The following PARN variants were observed in gnomAD, a reference collection of about 807,000 sequenced individuals.
PARN encodes poly(A)-specific ribonuclease PARN.
Under a neutral mutation model 102.8 loss-of-function variants are expected in PARN, and 71 were observed. The ratio of observed to expected loss-of-function variants is 0.69; its 90% confidence interval spans 0.57 to 0.84. PARN has a LOEUF of 0.84. Ranked by LOEUF, PARN falls within the 40% of genes least tolerant of loss-of-function variation. The pLI, the probability that PARN is intolerant of heterozygous loss-of-function variation, is 0.00. For synonymous variants in PARN, 261 were observed against 252.9 expected, an observed-to-expected ratio of 1.03 and a Z score of -0.30; for missense variants, 782 against 760.9, an observed-to-expected ratio of 1.03 and a Z score of -0.33.
chr16:14,451,845 A>C, intron 22 of PARN, among the ~76,000 whole-genome samples: 1 of 58,512 alleles, frequency 1.7e-5, no homozygotes, highest in African/African-American at 6.8e-5. Flanking sequence ...CCCGTCTCTA[A>C]AAAAAAAAAA....
At chr16:14,623,140 T>A (rs897741905) in intron 5 of PARN, among the ~76,000 whole-genome samples, 1 of 150,838 alleles carries the variant, frequency 6.6e-6, no homozygotes, top group South Asian at 2.1e-4. Flanking sequence ...TGTCTAGGCA[T>A]ATGTCTATAT....
chr16:14,614,550 C>A (rs549429685), intron 6 of PARN, among the ~76,000 whole-genome samples: 1 of 152,120 alleles, frequency 6.6e-6, no homozygotes, highest in East Asian at 1.9e-4. Flanking sequence ...TGGTGGCTCC[C>A]GTACAAAAGA....
chr16:14,485,015 T>C (rs1963588770), intron 21 of PARN, among the ~76,000 whole-genome samples: 1 of 152,198 alleles, frequency 6.6e-6, no homozygotes, highest in Non-Finnish European at 1.5e-5. Flanking sequence ...GCCTATGTAG[T>C]TGAAGACCAA....
rs886187580 is a variant in PARN, at chr16:14,630,239, G to T, written c.-114C>A. On this transcript the variant is annotated 5_prime_UTR_variant, in exon 1 of 24. Coordinates refer to ENST00000437198, the MANE Select transcript of PARN (RefSeq NM_002582.4). The stretch of plus-strand genomic sequence containing the variant: ...TAGCTGAGGCAGCCGCAGCGGTGAC[G>T]CCGGCCGCGACTTCCGGAAACAGCG... 2.4e-5 allele frequency: 22 copies of T among 931,828 alleles called. No homozygotes were observed. The Middle Eastern group carries it at 9.2e-4, about 39-fold the overall frequency. 57.7% of individuals were successfully genotyped at this position (931,828 alleles called of 1,614,324 possible).
At chr16:14,439,395 GAGGGAGGGAGGGAAGGAAAGAAGAC>G (rs1960850002) in intron 23 of PARN, among the ~76,000 whole-genome samples, 1 of 142,102 alleles carries the variant, frequency 7.0e-6, no homozygotes, top group African/African-American at 2.6e-5. Context: ...AAAAAAAATA[GAGGGAGGGAGGGAAGGAAAGAAGAC>G]AGGGAGGGAG....
At chr16:14,517,977 A>G (rs139473848) in intron 21 of PARN, among the ~76,000 whole-genome samples, 1 of 152,162 alleles carries the variant, frequency 6.6e-6, no homozygotes, top group Non-Finnish European at 1.5e-5. Flanking sequence ...AAAAGGATAT[A>G]TTTTCAAACC....
At chr16:14,482,100 G>C (rs1357901574) in intron 22 of PARN, among the ~76,000 whole-genome samples, 1 of 152,168 alleles carries the variant, frequency 6.6e-6, no homozygotes, top group East Asian at 1.9e-4. Flanking sequence ...TAAAATGGGA[G>C]TAAGACATAT....
Position 14,436,610 on chromosome 16 carries a change from C to T in PARN, c.*107G>A. On this transcript the variant is annotated 3_prime_UTR_variant, in exon 24 of 24. Coordinates refer to ENST00000437198, the MANE Select transcript of PARN (RefSeq NM_002582.4). ...CAGGAGACAACTTGGTTTCCAACCC[C>T]TCCCATACCACATTTGATTAAGTTA... The T allele has an allele frequency of 2.5e-6, 2 of 799,416 alleles. No individual in the cohort carries two copies. Among genetic ancestry groups the T allele is most frequent in the Non-Finnish European group, 2.1e-6 (1 of 482,814 alleles). The allele number at this position is 799,416 out of a possible 1,614,324, so 49.5% of individuals were successfully genotyped here.
At chr16:14,626,956 G>A (rs959261876) in intron 5 of PARN, 150 bp downstream of exon 5, 2 of 622,080 alleles carry the variant, frequency 3.2e-6, no homozygotes, top group South Asian at 2.0e-5. Context: ...AGATAACAGG[G>A]TCATGAATTT....
intron 22 of PARN, among the ~76,000 whole-genome samples, chr16:14,473,885 G>C (rs534764590): frequency 6.6e-5 from 10 of 152,324 alleles, no homozygotes; most frequent in African/African-American, 2.4e-4. Flanking sequence ...CTGCCACAGT[G>C]CTAGTAGTTT....
At chr16:14,437,472 G>C (rs1433322162) in intron 23 of PARN, among the ~76,000 whole-genome samples, 2 of 152,192 alleles carry the variant, frequency 1.3e-5, no homozygotes, top group Admixed American at 6.5e-5. Flanking sequence ...GGATTGAAAA[G>C]ATCTCTTCAG....
chr16:14,611,429 CATA>C (rs1475351050), intron 6 of PARN, among the ~76,000 whole-genome samples: 4 of 152,166 alleles, frequency 2.6e-5, no homozygotes, highest in Admixed American at 6.5e-5. Context: ...ACCTTACCTG[CATA>C]ATGTTTCAAA....
chr16:14,462,584 A>C (rs1452486823), intron 22 of PARN, among the ~76,000 whole-genome samples: 2 of 152,152 alleles, frequency 1.3e-5, no homozygotes, highest in Admixed American at 1.3e-4. Context: ...TGGAATTTCA[A>C]AACACTGGGA....
At chr16:14,530,275 A>G (rs886445391) in intron 21 of PARN, among the ~76,000 whole-genome samples, 1 of 152,270 alleles carries the variant, frequency 6.6e-6, no homozygotes, top group East Asian at 1.9e-4. Flanking sequence ...CCCAAGCCCC[A>G]GGCTACTCTA....
At chr16:14,621,641 T>C (rs1440579083) in intron 5 of PARN, among the ~76,000 whole-genome samples, 3 of 151,794 alleles carry the variant, frequency 2.0e-5, no homozygotes, top group African/African-American at 7.3e-5. Flanking sequence ...GAAAACCCTG[T>C]CTCTACTAAA....
intron 9 of PARN, 65 bp downstream of exon 9, chr16:14,608,216 G>A: frequency 1.8e-6 from 2 of 1,134,972 alleles, no homozygotes; most frequent in Non-Finnish European, 1.3e-6. Flanking sequence ...AGAACTAAGA[G>A]ATTATATTTA....
intron 22 of PARN, among the ~76,000 whole-genome samples, chr16:14,449,522 TAAACATC>T (rs1961356742): frequency 6.6e-6 from 1 of 152,128 alleles, no homozygotes; most frequent in East Asian, 1.9e-4. Context: ...CTCATAGATG[TAAACATC>T]TTTTGCAGGG....
At chr16:14,600,443 T>C (rs992321670) in intron 11 of PARN, among the ~76,000 whole-genome samples, 1 of 152,178 alleles carries the variant, frequency 6.6e-6, no homozygotes, top group East Asian at 1.9e-4. Context: ...TTCTCTCCTA[T>C]ATTCTTTCCA....
intron 23 of PARN, among the ~76,000 whole-genome samples, chr16:14,438,779 G>C (rs1219016317): frequency 6.6e-6 from 1 of 152,170 alleles, no homozygotes; most frequent in Non-Finnish European, 1.5e-5. Context: ...AAAGATGCTA[G>C]TTTTCACTGT....
Sources: gnomAD v4.1 joint callset for allele counts (sites outside exome capture counted in the v4.1 genomes callset) on GRCh38, gnomAD v4.1.1 for gene constraint, MANE v1.5 for transcripts, NCBI Gene and HGNC (gene_info 2026-07-23, HGNC 2026-07-21) for gene names.